Variants in ACSL3 observed in about 807,000 individuals in gnomAD.
The protein encoded by ACSL3 is acyl-CoA synthetase long chain family member 3, also known as fatty acid CoA ligase Acsl3.
Under a neutral mutation model 84.7 loss-of-function variants are expected in ACSL3, and 34 were observed. That is an observed-to-expected ratio of 0.40 (90% CI 0.31 to 0.53). The LOEUF (loss-of-function observed/expected upper bound fraction) is 0.53. Ranked by LOEUF, ACSL3 falls within the 20% of genes least tolerant of loss-of-function variation. The pLI is 0.48. For synonymous variants in ACSL3, 315 were observed against 299.4 expected (o/e 1.05, Z -0.54); for missense variants, 680 against 873.1 (o/e 0.78, Z 2.79).
intron 16 of ACSL3, among the ~76,000 whole-genome samples, chr2:222,940,061 C>G (rs1697265629): frequency 1.3e-5 from 2 of 152,228 alleles, no homozygotes; most frequent in South Asian, 4.1e-4. Flanking sequence ...GTCAGTCCTA[C>G]TGACGACATA....
chr2:222,882,528 C>T (rs2106095003), intron 1 of ACSL3, among the ~76,000 whole-genome samples: 1 of 152,238 alleles, frequency 6.6e-6, no homozygotes, highest in East Asian at 1.9e-4. Context: ...GATCATCAGG[C>T]ATTAGATTCT....
At chr2:222,863,247 A>G (rs986344575) in intron 1 of ACSL3, among the ~76,000 whole-genome samples, 1 of 152,204 alleles carries the variant, frequency 6.6e-6, no homozygotes, top group Non-Finnish European at 1.5e-5. Context: ...TATGAGCAAG[A>G]TTGTGATGTA....
At chr2:222,878,438 G>A (rs1480483848) in intron 1 of ACSL3, among the ~76,000 whole-genome samples, 2 of 152,152 alleles carry the variant, frequency 1.3e-5, no homozygotes, top group African/African-American at 4.8e-5. Context: ...GCTGCTTATC[G>A]CCTTCTCTGC....
chr2:222,927,216 G>A, intron 12 of ACSL3, 27 bp downstream of exon 12: 2 of 1,601,760 alleles, frequency 1.2e-6, no homozygotes, highest in African/African-American at 1.3e-5. Context: ...TCAGAGGCTG[G>A]AGTGTGATGC....
In ACSL3 at chr2:222,918,052, C is replaced by A. The variant is rs1696631861; in HGVS notation, c.563C>A (p.Thr188Lys). ...ACFMYNFQLV[T>K]LYATLGGPAI... is the part of the protein sequence containing the mutation. ...CTGCTGCTTTTCCTTTTAGTTGTTA[C>A]ATTATATGCCACTCTAGGAGGTCCA... Residue 188 changes from threonine (T) to lysine (K), a missense_variant, in exon 6 of 17, where the codon ACA (threonine) becomes AAA (lysine). Around this residue, in one of 2 missense-constraint regions of ACSL3, gnomAD observed 333 missense variants for 347.5 expected, o/e 0.96. Transcript: ENST00000357430. The A allele has an allele frequency of 6.2e-7, 1 of 1,607,004 alleles. No homozygotes were observed. Among genetic ancestry groups the A allele is most frequent in the South Asian group, 1.1e-5 (1 of 90,088 alleles).
At chr2:222,926,215 A>T (rs540004959) in intron 11 of ACSL3, among the ~76,000 whole-genome samples, 6 of 152,344 alleles carry the variant, frequency 3.9e-5, no homozygotes, top group African/African-American at 1.4e-4. Context: ...GATAATTTAA[A>T]GTATTTTGGA....
chr2:222,903,764 T>C (rs1171817854), intron 3 of ACSL3, among the ~76,000 whole-genome samples: 2 of 152,234 alleles, frequency 1.3e-5, no homozygotes, highest in Admixed American at 6.5e-5. Flanking sequence ...AAACAGTCTT[T>C]TCTCCTGTTA....
intron 15 of ACSL3, 24 bp downstream of exon 15, chr2:222,933,304 CT>C: frequency 6.6e-7 from 1 of 1,514,396 alleles, no homozygotes; most frequent in Non-Finnish European, 9.1e-7. Context: ...ATTCATACTA[CT>C]TTTACTTAAA....
chr2:222,909,225 C>A, intron 4 of ACSL3, 75 bp downstream of exon 4: 2 of 1,398,362 alleles, frequency 1.4e-6, no homozygotes, highest in Non-Finnish European at 2.0e-6. Flanking sequence ...AGGGCAAGCA[C>A]AGCCTGCCTC....
intron 1 of ACSL3, among the ~76,000 whole-genome samples, chr2:222,879,969 C>T (rs1314287059): frequency 6.6e-6 from 1 of 150,806 alleles, no homozygotes; most frequent in Non-Finnish European, 1.5e-5. Flanking sequence ...TTGTTTGCTT[C>T]AGGGATCTGC....
At chr2:222,874,176 C>G (rs765906292) in intron 1 of ACSL3, among the ~76,000 whole-genome samples, 1 of 152,140 alleles carries the variant, frequency 6.6e-6, no homozygotes, top group Non-Finnish European at 1.5e-5. Flanking sequence ...GTGCGCACCA[C>G]CACACCCGGC....
chr2:222,908,072 C>T lies in ACSL3; in HGVS notation c.-40-661C>T, dbSNP rs148474181. The stretch of plus-strand genomic sequence containing the variant: ...GTTGCACGAGAGTGGGAACTTAGGC[C>T]GTTTTGTTTACTGTTACTTTCGCAG... On this transcript the variant is annotated intron_variant, in intron 3 of 16. Transcript: ENST00000357430. Among the ~76,000 whole-genome samples, 7 of 152,248 alleles carry T rather than the reference C, an allele frequency of 4.6e-5. No individual in the cohort carries two copies. In the East Asian group the frequency reaches 1.2e-3, roughly 25 times the overall value.
intron 1 of ACSL3, among the ~76,000 whole-genome samples, chr2:222,878,770 G>A (rs1444662245): frequency 6.6e-6 from 1 of 151,798 alleles, no homozygotes; most frequent in Non-Finnish European, 1.5e-5. Flanking sequence ...TGTATTCCTC[G>A]TTACACGCCA....
chr2:222,941,397 G>C, intron 16 of ACSL3, 100 bp from the exon 17 acceptor site: 1 of 888,040 alleles, frequency 1.1e-6, no homozygotes, highest in South Asian at 1.9e-5. Flanking sequence ...TTCACTTGTT[G>C]GTTGTGCATT....
chr2:222,938,080 A>G (rs1370544197), intron 16 of ACSL3, among the ~76,000 whole-genome samples: 4 of 151,978 alleles, frequency 2.6e-5, no homozygotes, highest in Admixed American at 6.6e-5. Flanking sequence ...CTCCTTTGTA[A>G]CTCTGCTCCT....
At chr2:222,882,761 G>GTTTTTTTTTTTT (rs71408540) in intron 1 of ACSL3, among the ~76,000 whole-genome samples, 1 of 119,976 alleles carries the variant, frequency 8.3e-6, no homozygotes, top group African/African-American at 3.1e-5. Context: ...CCAGATCACT[G>GTTTTTTTTTTTT]TTTTTTTTTT....
At position 222,927,112 on chromosome 2, in the gene ACSL3, T is replaced by G. The variant is rs747592857; in HGVS notation, c.1388T>G (p.Met463Arg). The G allele has an allele frequency of 6.2e-7, 1 of 1,614,192 alleles. No homozygotes were observed. The highest frequency in any genetic ancestry group is 1.1e-5 in the South Asian group (1 of 91,086). Reference sequence around the variant, plus strand: ...CTTTCTGCAACCACGCAGCGATTCATGAACATCTGTTTCTGCTGTCCTGTT... The same window carrying G: ...CTTTCTGCAACCACGCAGCGATTCAGGAACATCTGTTTCTGCTGTCCTGTT... ...APLSATTQRF[M>R]NICFCCPVGQ... Residue 463 changes from methionine (M) to arginine (R), a missense_variant, in exon 12 of 17, where the codon ATG becomes AGG. Coordinates refer to ENST00000357430, the MANE Select transcript of ACSL3 (RefSeq NM_004457.5).
At chr2:222,881,243 G>A (rs769134258) in intron 1 of ACSL3, among the ~76,000 whole-genome samples, 1 of 152,180 alleles carries the variant, frequency 6.6e-6, no homozygotes, top group African/African-American at 2.4e-5. Flanking sequence ...GGAATCCCAT[G>A]TGTATTTTAC....
intron 1 of ACSL3, among the ~76,000 whole-genome samples, chr2:222,864,231 GT>G (rs1559271977): frequency 6.6e-6 from 1 of 152,174 alleles, no homozygotes; most frequent in African/African-American, 2.4e-5. Context: ...CATGACTTTA[GT>G]TTTGGAAGTG....
Sources: gnomAD v4.1 joint callset for allele counts (sites outside exome capture counted in the v4.1 genomes callset) on GRCh38, gnomAD v4.1.1 for gene constraint, gnomAD v4.1.1 regional missense constraint, MANE v1.5 for transcripts, NCBI Gene and HGNC (gene_info 2026-07-23, HGNC 2026-07-21) for gene names.